The following BCHE variants were observed in gnomAD, a reference collection of about 807,000 sequenced individuals.
BCHE encodes the protein butyrylcholinesterase.
In BCHE, 48 loss-of-function variants were observed where a neutral mutation model predicts 51.3. The ratio of observed to expected loss-of-function variants is 0.94; its 90% CI spans 0.74 to 1.19. BCHE has a LOEUF of 1.19. Ranked by LOEUF, BCHE falls within the 50% of genes most tolerant of loss-of-function variation. BCHE has a pLI of 0.00. For missense variants in BCHE, 847 were observed against 708.2 expected, an observed-to-expected ratio of 1.20 and a Z score of -2.23; for synonymous variants, 251 against 238.0, an observed-to-expected ratio of 1.05 and a Z score of -0.50.
At chr3:165,809,050 A>C (rs1049390806) in intron 2 of BCHE, among the ~76,000 whole-genome samples, 39 of 152,176 alleles carry the variant, frequency 2.6e-4, no homozygotes, top group African/African-American at 8.9e-4. Context: ...AAAAGTAAGA[A>C]AGCCAATGAC....
rs11391808 is a variant in BCHE, at chr3:165,812,286, A to ATT, written c.1517+17229_1517+17230dup. Among the ~76,000 whole-genome samples the ATT allele has an allele frequency of 9.9e-3, 1,457 of 147,592 alleles. 26 individuals are homozygous for ATT. Among genetic ancestry groups the ATT allele is most frequent in the African/African-American group, 0.031 (1,273 of 40,574 alleles). ...AAAAAATGGATCTCATGAGTCTTTG[A>ATT]TTTTTTTTTTTGAGGTCCCACTACG... is the stretch of plus-strand genomic sequence containing the variant. On this transcript the variant is annotated intron_variant, in intron 2 of 3. Coordinates refer to ENST00000264381, the MANE Select transcript of BCHE (RefSeq NM_000055.4).
chr3:165,821,763 A>G (rs1714526650), intron 2 of BCHE, among the ~76,000 whole-genome samples: 1 of 151,880 alleles, frequency 6.6e-6, no homozygotes, highest in Non-Finnish European at 1.5e-5. Flanking sequence ...ATTTAGTAAA[A>G]AGATGAATAT....
At chr3:165,835,451 A>C (rs1478051667) in intron 1 of BCHE, among the ~76,000 whole-genome samples, 2 of 151,836 alleles carry the variant, frequency 1.3e-5, no homozygotes, top group African/African-American at 2.4e-5. Flanking sequence ...AAAAAGTTAC[A>C]ATTAAATAAA....
intron 2 of BCHE, among the ~76,000 whole-genome samples, chr3:165,810,866 T>A (rs960697912): frequency 6.6e-6 from 1 of 152,112 alleles, no homozygotes; most frequent in African/African-American, 2.4e-5. Flanking sequence ...CCATGACATA[T>A]CCAGCTGATA....
At chr3:165,781,392 C>T (rs1712692671) in intron 3 of BCHE, among the ~76,000 whole-genome samples, 1 of 152,104 alleles carries the variant, frequency 6.6e-6, no homozygotes, top group South Asian at 2.1e-4. Flanking sequence ...CCATGGAATA[C>T]TATGAAGTCA....
chr3:165,829,781 C>A lies in BCHE; in HGVS notation c.1253G>T (p.Gly418Val), dbSNP rs28933390. 6,509 of 1,613,898 alleles carry A rather than the reference C, an allele frequency of 4.0e-3. 18 individuals carry two copies. The highest frequency in any genetic ancestry group is 7.4e-3 in the Middle Eastern group (45 of 6,062). ...QRPENYREAL[G>V]DVVGDYNFIC... Reference sequence around the variant, plus strand: ...GAAATTATAATCCCCAACAACATCACCCAAGGCCTCACGGTAGTTTTCAGG... The same window carrying A: ...GAAATTATAATCCCCAACAACATCAACCAAGGCCTCACGGTAGTTTTCAGG... The change falls in exon 2 of 4, where the codon GGT becomes GTT. Residue 418 changes from glycine (G) to valine (V), a missense_variant. Transcript: ENST00000264381.
At chr3:165,799,473 A>C (rs1713556627) in intron 2 of BCHE, among the ~76,000 whole-genome samples, 1 of 152,128 alleles carries the variant, frequency 6.6e-6, no homozygotes, top group African/African-American at 2.4e-5. Context: ...TTTTAAATAT[A>C]TCTATGTGTA....
chr3:165,774,838 T>C (rs1712403811), intron 3 of BCHE, among the ~76,000 whole-genome samples: 1 of 152,188 alleles, frequency 6.6e-6, no homozygotes, highest in Non-Finnish European at 1.5e-5. Flanking sequence ...ATGGTCTATA[T>C]ACTTCAAGAA....
chr3:165,835,951 C>T (rs568132743), intron 1 of BCHE, among the ~76,000 whole-genome samples: 19 of 151,636 alleles, frequency 1.3e-4, no homozygotes, highest in Middle Eastern at 3.4e-3. Flanking sequence ...AAGAAACCAT[C>T]GAAATGAAGA....
chr3:165,800,115 A>G lies in BCHE; in HGVS notation c.1518-13804T>C, dbSNP rs139698270. On this transcript the variant is annotated intron_variant, in intron 2 of 3. Transcript: ENST00000264381. ...ATTTTCTGGGTATTTTTTCCTCCAA[A>G]ATTTTTTTTCTGTTACTTGAATACT... 2.0e-4 allele frequency among the ~76,000 whole-genome samples: 31 copies of G among 152,152 alleles called. No homozygotes were observed. The East Asian group carries it at 5.8e-3, about 28-fold the overall frequency.
intron 2 of BCHE, among the ~76,000 whole-genome samples, chr3:165,809,785 T>C (rs6808121): frequency 0.64 from 97,956 of 151,940 alleles, 33,984 homozygotes; most frequent in East Asian, 0.78. Context: ...GTGTCATGGC[T>C]TTTATAATGA....
Position 165,830,274 on chromosome 3 carries a change from A to T in BCHE, c.760T>A (p.Ser254Thr). The change falls in exon 2 of 4, where the codon TCC becomes ACC. Residue 254 changes from serine (S) to threonine (T), a missense_variant. By Grantham distance (58) the Ser-to-Thr change is moderately conservative (BLOSUM62 1). Transcript: ENST00000264381. ...GTTACCGCCCAAGGAGCATTAAAGG[A>T]TCCACTTTGCAGAATGGCTCTGGTG... The part of the protein sequence containing the change: ...LFTRAILQSG[S>T]FNAPWAVTSL... 2.5e-6 allele frequency: 4 copies of T among 1,614,040 alleles called. No individual in the cohort carries two copies. Among genetic ancestry groups the T allele is most frequent in the Non-Finnish European group, 3.4e-6 (4 of 1,179,946 alleles).
At chr3:165,821,216 T>C (rs947527861) in intron 2 of BCHE, among the ~76,000 whole-genome samples, 3 of 151,950 alleles carry the variant, frequency 2.0e-5, no homozygotes, top group Admixed American at 2.0e-4. Context: ...TTCTATAATA[T>C]TTATTAGTTG....
At chr3:165,793,986 G>A (rs935190491) in intron 2 of BCHE, among the ~76,000 whole-genome samples, 1 of 151,896 alleles carries the variant, frequency 6.6e-6, no homozygotes, top group African/African-American at 2.4e-5. Context: ...GGCAGAGGTT[G>A]CAGTGAGCCA....
intron 2 of BCHE, among the ~76,000 whole-genome samples, chr3:165,807,071 T>C (rs2108218486): frequency 6.6e-6 from 1 of 152,168 alleles, no homozygotes; most frequent in African/African-American, 2.4e-5. Flanking sequence ...GAAATGTAAA[T>C]GGTATCTAAT....
intron 2 of BCHE, among the ~76,000 whole-genome samples, chr3:165,790,939 T>C (rs988704385): frequency 2.6e-5 from 4 of 151,984 alleles, no homozygotes; most frequent in Admixed American, 2.6e-4. Flanking sequence ...GCCATGTATG[T>C]CTTTGAAAGC....
At position 165,837,316 on chromosome 3, in the gene BCHE, G is replaced by A. The variant is rs1226239755; in HGVS notation, c.-11C>T. 8 of 1,288,790 alleles carry A rather than the reference G, an allele frequency of 6.2e-6. No individual in the cohort carries two copies. The South Asian group carries it at 8.6e-5, about 14-fold the overall frequency. The allele number at this position is 1,288,790 out of a possible 1,614,324, so 79.8% of individuals were successfully genotyped here. ...GGTGTAAATTCAGAGCAACTTACCC[G>A]ATTCTCTGCAACAAAGATGGCAAAG... On this transcript the variant is annotated splice_region_variant and 5_prime_UTR_variant, in exon 1 of 4. Coordinates refer to ENST00000264381, the MANE Select transcript of BCHE (RefSeq NM_000055.4).
At chr3:165,791,728 G>A (rs1306196329) in intron 2 of BCHE, among the ~76,000 whole-genome samples, 1 of 152,078 alleles carries the variant, frequency 6.6e-6, no homozygotes, top group Non-Finnish European at 1.5e-5. Flanking sequence ...CAAGGCAGGC[G>A]GATCACTTGA....
chr3:165,817,711 G>T (rs962198781), intron 2 of BCHE, among the ~76,000 whole-genome samples: 5 of 152,074 alleles, frequency 3.3e-5, no homozygotes, highest in African/African-American at 1.2e-4. Context: ...TCTGCATCTT[G>T]CTCTATGCTT....
Sources: gnomAD v4.1 joint callset for allele counts (sites outside exome capture counted in the v4.1 genomes callset) on GRCh38, gnomAD v4.1.1 for gene constraint, MANE v1.5 for transcripts, NCBI Gene and HGNC (gene_info 2026-07-23, HGNC 2026-07-21) for gene names.